Variants in ELF2 observed in about 807,000 individuals in gnomAD.
The protein encoded by ELF2 is ETS-related transcription factor Elf-2.
In ELF2, 11 loss-of-function variants were observed where a neutral mutation model predicts 54.8. That is an observed-to-expected ratio of 0.20 (90% CI 0.13 to 0.33). The LOEUF (loss-of-function observed/expected upper bound fraction) is 0.33, where lower values mean the gene tolerates loss of function less well. Among genes scored for constraint, ELF2 ranks in the 10% least tolerant of loss-of-function variants. ELF2 has a pLI of 1.00. For missense variants in ELF2, 513 were observed against 703.0 expected, an observed-to-expected ratio of 0.73 and a Z score of 3.06; for synonymous variants, 203 against 245.1, an observed-to-expected ratio of 0.83 and a Z score of 1.61.
intron 3 of ELF2, among the ~76,000 whole-genome samples, chr4:139,127,909 G>A (rs571774244): frequency 4.0e-5 from 6 of 150,910 alleles, no homozygotes; most frequent in South Asian, 2.1e-4. Flanking sequence ...AGGTTGCAGT[G>A]AGACAGGATC....
At chr4:139,111,922 G>A (rs1262954839) in intron 4 of ELF2, among the ~76,000 whole-genome samples, 4 of 152,130 alleles carry the variant, frequency 2.6e-5, no homozygotes, top group African/African-American at 7.2e-5. Context: ...AAACCAAGGA[G>A]TTCAGACTTT....
chr4:139,117,240 G>A (rs1735810718), intron 4 of ELF2, among the ~76,000 whole-genome samples: 1 of 152,128 alleles, frequency 6.6e-6, no homozygotes, highest in Non-Finnish European at 1.5e-5. Flanking sequence ...TAATCAGTCT[G>A]CTTGTATTAT....
intron 2 of ELF2, 67 bp downstream of exon 2, chr4:139,139,346 C>G (rs1052223098): frequency 1.3e-6 from 1 of 795,400 alleles, no homozygotes; most frequent in Non-Finnish European, 1.7e-6. Flanking sequence ...ACAGTCCCAT[C>G]ATACTATCAC....
At chr4:139,084,353 A>G in intron 4 of ELF2, 1 of 1,505,080 alleles carries the variant, frequency 6.6e-7, no homozygotes, top group Non-Finnish European at 8.9e-7. Flanking sequence ...GCGTCCTCCG[A>G]CAGGAAGCCG....
In ELF2 at chr4:139,125,151, A is replaced by G. The variant is rs767841875; in HGVS notation, c.238+13T>C. 48 of 1,593,132 alleles carry G rather than the reference A, an allele frequency of 3.0e-5. No individual in the cohort carries two copies. Among genetic ancestry groups the G allele is most frequent in the Non-Finnish European group, 4.1e-5 (48 of 1,173,250 alleles). ...GAAAGTTATAAATAATGAACATTTTATGAGATGTCTACCTGTTTCCACATT... is the reference window on the plus strand; with the variant it reads ...GAAAGTTATAAATAATGAACATTTTGTGAGATGTCTACCTGTTTCCACATT... On this transcript the variant is annotated intron_variant, in intron 4 of 9. Transcript: ENST00000686138.
intron 4 of ELF2, among the ~76,000 whole-genome samples, chr4:139,112,034 A>T (rs1407735195): frequency 6.6e-6 from 1 of 152,230 alleles, no homozygotes; most frequent in East Asian, 1.9e-4. Context: ...AACTTTTAAA[A>T]GGCTCCTCAC....
chr4:139,071,398 G>A (rs544209090), intron 6 of ELF2, among the ~76,000 whole-genome samples: 4 of 151,918 alleles, frequency 2.6e-5, no homozygotes, highest in Admixed American at 6.6e-5. Context: ...CTGCGCTCAC[G>A]AAATCCTCTC....
In ELF2 at chr4:139,163,897, C is replaced by CA. The variant is rs1333906610; in HGVS notation, c.-252+13069dup. Among the ~76,000 whole-genome samples, 51 of 136,502 alleles carry CA rather than the reference C, an allele frequency of 3.7e-4. 1 individual carries two copies. The highest frequency in any genetic ancestry group is 1.0e-3 in the African/African-American group (37 of 36,800). 89.6% of individuals were successfully genotyped at this position (136,502 alleles called of 152,430 possible). A position where few individuals can be genotyped will look rare whatever the true frequency, so the allele number is the denominator to read the frequency against. On this transcript the variant is annotated intron_variant, in intron 1 of 9. Coordinates refer to ENST00000686138, the MANE Select transcript of ELF2 (RefSeq NM_001331036.3). ...GTGGAGACAGAATGAGTCCCTCTAT[C>CA]AAAAAAAAAGGAAGTAGGAAGGAAG...
chr4:139,163,819 T>C (rs1380318383), intron 1 of ELF2, among the ~76,000 whole-genome samples: 6 of 151,562 alleles, frequency 4.0e-5, no homozygotes, highest in East Asian at 1.9e-4. Flanking sequence ...GAGGCTGAGA[T>C]GGGAGGATCA....
intron 1 of ELF2, among the ~76,000 whole-genome samples, chr4:139,167,189 C>A (rs1741813825): frequency 6.6e-6 from 1 of 152,148 alleles, no homozygotes; most frequent in Admixed American, 6.5e-5. Context: ...CTCTTTATAA[C>A]AGGATACAAT....
intron 4 of ELF2, among the ~76,000 whole-genome samples, chr4:139,099,151 A>G (rs779958638): frequency 6.6e-6 from 1 of 152,220 alleles, no homozygotes; most frequent in Non-Finnish European, 1.5e-5. Context: ...AAGGGCCATC[A>G]CAATCTGGTC....
At chr4:139,129,381 T>C (rs1326525606) in intron 3 of ELF2, among the ~76,000 whole-genome samples, 4 of 152,230 alleles carry the variant, frequency 2.6e-5, no homozygotes, top group East Asian at 1.9e-4. Context: ...CCCATTCTTA[T>C]GGTTTCAAAT....
At chr4:139,154,911 C>G (rs77535536) in intron 1 of ELF2, among the ~76,000 whole-genome samples, 1 of 152,212 alleles carries the variant, frequency 6.6e-6, no homozygotes, top group South Asian at 2.1e-4. Flanking sequence ...CTGCTTGTCT[C>G]TTATCTACCC....
intron 4 of ELF2, among the ~76,000 whole-genome samples, chr4:139,094,487 G>A (rs1365094405): frequency 6.6e-6 from 1 of 152,306 alleles, no homozygotes; most frequent in African/African-American, 2.4e-5. Flanking sequence ...GAAAGGTAAC[G>A]TGGTGGATGT....
chr4:139,113,377 T>TGA (rs1206483924), intron 4 of ELF2, among the ~76,000 whole-genome samples: 2 of 151,932 alleles, frequency 1.3e-5, no homozygotes, highest in African/African-American at 2.4e-5. Flanking sequence ...TAAAATTGGC[T>TGA]GAGTGCAGTG....
At chr4:139,099,751 C>T (rs1733679258) in intron 4 of ELF2, among the ~76,000 whole-genome samples, 1 of 152,108 alleles carries the variant, frequency 6.6e-6, no homozygotes, top group South Asian at 2.1e-4. Flanking sequence ...GTATTTACTA[C>T]CTAATGGTGG....
At chr4:139,124,739 TGAAAA>T (rs1442264067) in intron 4 of ELF2, among the ~76,000 whole-genome samples, 1 of 152,158 alleles carries the variant, frequency 6.6e-6, no homozygotes, top group Non-Finnish European at 1.5e-5. Flanking sequence ...CTGATATTAA[TGAAAA>T]GAAATCTTAT....
intron 1 of ELF2, among the ~76,000 whole-genome samples, chr4:139,171,475 A>C (rs900163078): frequency 1.3e-5 from 2 of 152,052 alleles, no homozygotes; most frequent in Non-Finnish European, 1.5e-5. Flanking sequence ...CTTTTTCACA[A>C]AAAAAAATTG....
At chr4:139,126,914 A>T (rs994876998) in intron 3 of ELF2, among the ~76,000 whole-genome samples, 1 of 152,214 alleles carries the variant, frequency 6.6e-6, no homozygotes, top group Non-Finnish European at 1.5e-5. Flanking sequence ...AACAATGGGA[A>T]TCTTCAGGAA....
Sources: allele counts gnomAD v4.1 joint callset (sites outside exome capture counted in the v4.1 genomes callset), GRCh38; gene constraint gnomAD v4.1.1; transcripts MANE v1.5; gene names NCBI Gene and HGNC (gene_info 2026-07-23, HGNC 2026-07-21).